PCDHA6: variants seen among roughly 807,000 people sequenced by gnomAD.
PCDHA6 encodes protocadherin alpha-6.
A neutral mutation model predicts 60.3 loss-of-function variants in PCDHA6; 55 were observed. The observed-to-expected ratio is 0.91, with a 90% CI of 0.73 to 1.14. The LOEUF is 1.14. Among genes scored for constraint, PCDHA6 ranks in the 50% most tolerant of loss-of-function variants. PCDHA6 has a pLI of 0.00. For missense variants in PCDHA6, 1,327 were observed against 1,256.5 expected, an observed-to-expected ratio of 1.06 and a Z score of -0.85; for synonymous variants, 652 against 557.9, an observed-to-expected ratio of 1.17 and a Z score of -2.38.
At chr5:140,962,169 C>T (rs2095662298) in intron 1 of PCDHA6, among the ~76,000 whole-genome samples, 1 of 152,152 alleles carries the variant, frequency 6.6e-6, no homozygotes, top group Non-Finnish European at 1.5e-5. Flanking sequence ...GCCACCACAC[C>T]CGGCCACTTA....
chr5:140,955,932 A>T (rs907189668), intron 1 of PCDHA6, among the ~76,000 whole-genome samples: 2 of 152,106 alleles, frequency 1.3e-5, no homozygotes, highest in Non-Finnish European at 2.9e-5. Flanking sequence ...GTTCATTCAT[A>T]ATATGGCTGT....
chr5:140,928,835 C>G (rs782027566), intron 1 of PCDHA6: 1 of 1,614,036 alleles, frequency 6.2e-7, no homozygotes, highest in African/African-American at 1.3e-5. Context: ...CCACTTTCCT[C>G]CTCTGTCACT....
At chr5:140,985,577 G>A (rs1265916995) in intron 3 of PCDHA6, among the ~76,000 whole-genome samples, 1 of 152,116 alleles carries the variant, frequency 6.6e-6, no homozygotes, top group Non-Finnish European at 1.5e-5. Flanking sequence ...TGGTGCCTAA[G>A]CCTCCTTATA....
At chr5:140,989,462 G>A (rs531421005) in intron 3 of PCDHA6, among the ~76,000 whole-genome samples, 27 of 152,326 alleles carry the variant, frequency 1.8e-4, no homozygotes, top group Non-Finnish European at 2.9e-4. Context: ...GTTAGGCTTG[G>A]AACTCCTCCT....
chr5:140,887,654 G>A (rs2061529435), intron 1 of PCDHA6, among the ~76,000 whole-genome samples: 1 of 151,712 alleles, frequency 6.6e-6, no homozygotes, highest in South Asian at 2.1e-4. Context: ...TGATATTCTT[G>A]GATCTGTGGA....
At chr5:140,882,860 A>G in intron 1 of PCDHA6, 1 of 1,614,218 alleles carries the variant, frequency 6.2e-7, no homozygotes, top group Non-Finnish European at 8.5e-7. Context: ...TGTACTGAGG[A>G]AAACACTGGA....
At chr5:140,835,910 A>G (rs2150248144) in intron 1 of PCDHA6, 5 of 1,612,138 alleles carry the variant, frequency 3.1e-6, no homozygotes, top group Non-Finnish European at 3.4e-6. Context: ...GCTACGTGTC[A>G]GTGCACGCGG....
chr5:141,011,924 AG>A lies in PCDHA6; in HGVS notation c.*1989del, dbSNP rs1246091886. Reference sequence around the variant, plus strand: ...ATTTAGGCATTAATATAAAAGAGGTAGGAGTCTGTTATTTAAAAAAAGCATT... The same window carrying A: ...ATTTAGGCATTAATATAAAAGAGGTAGAGTCTGTTATTTAAAAAAAGCATT... On this transcript the variant is annotated 3_prime_UTR_variant, in exon 4 of 4. Coordinates refer to ENST00000529310, the MANE Select transcript of PCDHA6 (RefSeq NM_018909.4). 1 of 153,728 alleles carries A rather than the reference AG, an allele frequency of 6.5e-6. No homozygotes were observed. Among genetic ancestry groups the A allele is most frequent in the Non-Finnish European group, 1.5e-5 (1 of 68,042 alleles). 9.5% of individuals were successfully genotyped at this position (153,728 alleles called of 1,614,324 possible).
At position 140,835,900 on chromosome 5, in the gene PCDHA6, G is replaced by A. The variant is rs1580826433; in HGVS notation, c.2394+5415G>A. The A allele has an allele frequency of 4.3e-6, 7 of 1,612,152 alleles. No individual in the cohort carries two copies. The East Asian group carries it at 1.6e-4, about 36-fold the overall frequency. ...CGGGTGGGCGAGCGCGCGCTGTCGA[G>A]CTACGTGTCAGTGCACGCGGAGAGC... On this transcript the variant is annotated intron_variant, in intron 1 of 3. Coordinates refer to ENST00000529310, the MANE Select transcript of PCDHA6 (RefSeq NM_018909.4).
intron 1 of PCDHA6, among the ~76,000 whole-genome samples, chr5:140,872,413 G>A (rs2053647330): frequency 6.6e-6 from 1 of 151,990 alleles, no homozygotes; most frequent in Admixed American, 6.6e-5. Flanking sequence ...AATTGCTTGA[G>A]CCCAAGAGTT....
At chr5:140,927,158 C>G in intron 1 of PCDHA6, 1 of 1,614,166 alleles carries the variant, frequency 6.2e-7, no homozygotes, top group Non-Finnish European at 8.5e-7. Context: ...CTGTGCAGGG[C>G]CAAAGCTGCC....
intron 1 of PCDHA6, among the ~76,000 whole-genome samples, chr5:140,886,387 T>C (rs1245808319): frequency 2.6e-5 from 4 of 152,234 alleles, no homozygotes; most frequent in African/African-American, 9.6e-5. Flanking sequence ...GCTTATCTAT[T>C]ATCTGCATCA....
chr5:140,966,968 G>C, intron 1 of PCDHA6: 2 of 1,602,616 alleles, frequency 1.2e-6, no homozygotes, highest in Non-Finnish European at 1.7e-6. Context: ...GCTGGGGCTT[G>C]AGCTGCGGCG....
chr5:140,836,508 A>G (rs2150262609), intron 1 of PCDHA6: 1 of 1,613,830 alleles, frequency 6.2e-7, no homozygotes, highest in Non-Finnish European at 8.5e-7. Context: ...CGCGGTGTCC[A>G]GTCTGTTGGT....
intron 3 of PCDHA6, among the ~76,000 whole-genome samples, chr5:140,991,053 A>G (rs2097429648): frequency 6.6e-6 from 1 of 152,220 alleles, no homozygotes; most frequent in Non-Finnish European, 1.5e-5. Context: ...TGAGAGAAGT[A>G]CATTATTATT....
At chr5:140,847,654 T>C (rs1037427370) in intron 1 of PCDHA6, 3 of 149,736 alleles carry the variant, frequency 2.0e-5, no homozygotes, top group South Asian at 2.1e-4. Flanking sequence ...AGATTATTCA[T>C]AGATTATAAA....
At chr5:140,848,698 CCAAAGG>C (rs2040558195) in intron 1 of PCDHA6, 1 of 1,592,180 alleles carries the variant, frequency 6.3e-7, no homozygotes, top group African/African-American at 1.3e-5. Context: ...CAGTTGGATT[CCAAAGG>C]CCGCGGGGAC....
At chr5:140,926,330 G>T (rs1269020840) in intron 1 of PCDHA6, 1 of 152,266 alleles carries the variant, frequency 6.6e-6, no homozygotes, top group East Asian at 1.9e-4. Flanking sequence ...CGGGGTCAGA[G>T]CGCCGGGACC....
chr5:140,847,671 A>G (rs1178920203), intron 1 of PCDHA6: 1 of 149,902 alleles, frequency 6.7e-6, no homozygotes, highest in Admixed American at 6.7e-5. Flanking sequence ...TAAAGCTTGG[A>G]AAGAATCAAA....
Sources: allele counts gnomAD v4.1 joint callset (sites outside exome capture counted in the v4.1 genomes callset), GRCh38; gene constraint gnomAD v4.1.1; transcripts MANE v1.5; gene names NCBI Gene and HGNC (gene_info 2026-07-23, HGNC 2026-07-21).